The following ITPKA variants were observed in gnomAD, a reference collection of about 807,000 sequenced individuals.
The protein encoded by ITPKA is IP3 3-kinase A.
A neutral mutation model predicts 40.7 loss-of-function variants in ITPKA; 16 were observed. The observed-to-expected ratio is 0.39, with a 90% CI of 0.27 to 0.60. ITPKA has a LOEUF of 0.60. Among genes scored for constraint, ITPKA ranks in the 20% least tolerant of loss-of-function variants. The probability of loss-of-function intolerance (pLI) is 0.50; values close to 1 mark genes in which losing one functional copy is unlikely to be tolerated. For missense variants in ITPKA, 540 were observed against 649.3 expected (o/e 0.83, Z 1.83); for synonymous variants, 313 against 289.9 (o/e 1.08, Z -0.81).
chr15:41,497,845 T>C (rs1457383582), intron 1 of ITPKA, among the ~76,000 whole-genome samples: 1 of 151,198 alleles, frequency 6.6e-6, no homozygotes, highest in Non-Finnish European at 1.5e-5. Context: ...CATAGCAAAA[T>C]CCTGTCTCTA....
intron 1 of ITPKA, among the ~76,000 whole-genome samples, chr15:41,497,264 C>T (rs2140672877): frequency 6.6e-6 from 1 of 152,264 alleles, no homozygotes; most frequent in East Asian, 1.9e-4. Flanking sequence ...TGTTAGTCTC[C>T]CAGAGAGGGC....
intron 1 of ITPKA, among the ~76,000 whole-genome samples, chr15:41,499,890 A>G (rs1042891985): frequency 6.6e-6 from 1 of 152,122 alleles, no homozygotes; most frequent in African/African-American, 2.4e-5. Context: ...AAAACAAAAA[A>G]CAAAAAACAA....
In ITPKA at chr15:41,494,344, C is replaced by T. The variant is rs1398021036; in HGVS notation, c.417C>T (p.Asp139=). 6.6e-7 allele frequency: 1 copy of T among 1,525,114 alleles called. No individual in the cohort carries two copies. Among genetic ancestry groups the T allele is most frequent in the Admixed American group, 2.0e-5 (1 of 49,750 alleles). 94.5% of individuals were successfully genotyped at this position (1,525,114 alleles called of 1,614,324 possible). The change falls in exon 1 of 7, where the codon GAC becomes GAT. Residue 139 remains aspartate, a synonymous_variant. Transcript: ENST00000260386. The surrounding 1 kb of genome is among the most constrained non-coding windows in gnomAD (Gnocchi z 7.8). The part of the protein sequence containing the change: ...GSSSLLEDSE[D]DLLSDSESRS... ...CGTCGCTGCTCGAGGACTCGGAGGA[C>T]GACCTGCTGAGCGACAGTGAGAGCC... is the stretch of plus-strand genomic sequence containing the variant.
At position 41,494,013 on chromosome 15, in the gene ITPKA, G is replaced by T; in HGVS notation, c.86G>T (p.Arg29Leu). 1 of 1,179,998 alleles carries T rather than the reference G, an allele frequency of 8.5e-7. No homozygotes were observed. Among genetic ancestry groups the T allele is most frequent in the Non-Finnish European group, 1.0e-6 (1 of 955,122 alleles). The allele number at this position is 1,179,998 out of a possible 1,614,324, so 73.1% of individuals were successfully genotyped here. Reference protein sequence around the residue: ...CSPGLERAPRRSVGELRLLFE... With the variant: ...CSPGLERAPRLSVGELRLLFE... ...CCGGGGCTGGAGCGGGCCCCGCGCC[G>T]GAGTGTCGGGGAGCTGCGCCTGCTC... is the stretch of plus-strand genomic sequence containing the variant. The change falls in exon 1 of 7, where the codon CGG becomes CTG. Residue 29 changes from arginine to leucine, a missense_variant. Physicochemically the swap from Arg to Leu is moderately radical, Grantham distance 102 (BLOSUM62 -2). Transcript: ENST00000260386. The surrounding 1 kb of genome is among the most constrained non-coding windows in gnomAD (Gnocchi z 7.8).
chr15:41,498,438 T>G (rs2051089011), intron 1 of ITPKA, among the ~76,000 whole-genome samples: 1 of 152,170 alleles, frequency 6.6e-6, no homozygotes, highest in African/African-American at 2.4e-5. Context: ...ATTTTACCCC[T>G]GCTTGGGAGC....
chr15:41,496,151 C>A (rs1007423856), intron 1 of ITPKA, among the ~76,000 whole-genome samples: 1 of 152,226 alleles, frequency 6.6e-6, no homozygotes, highest in Non-Finnish European at 1.5e-5. Flanking sequence ...TGCCTGAGTC[C>A]GTGTGGAAGG....
intron 2 of ITPKA, 23 bp from the exon 3 acceptor site, chr15:41,501,612 C>T (rs755976294): frequency 6.3e-7 from 1 of 1,590,264 alleles, no homozygotes; most frequent in East Asian, 2.3e-5. Context: ...GGCTGGGCGG[C>T]GCTGACGGAT....
intron 1 of ITPKA, among the ~76,000 whole-genome samples, chr15:41,499,646 CTT>C (rs2051096611): frequency 6.6e-6 from 1 of 152,218 alleles, no homozygotes; most frequent in Non-Finnish European, 1.5e-5. Context: ...AGAACTCCCT[CTT>C]GTCAGGGAGG....
At position 41,501,982 on chromosome 15, in the gene ITPKA, C is replaced by T. The variant is rs2140678173; in HGVS notation, c.804-15C>T. ...GCGCCCCCTCATGCCCTGGCCGCTGCCTGCGCCCCCACAGGACTTACCTAG... is the reference window on the plus strand; with the variant it reads ...GCGCCCCCTCATGCCCTGGCCGCTGTCTGCGCCCCCACAGGACTTACCTAG... On this transcript the variant is annotated splice_polypyrimidine_tract_variant and intron_variant, in intron 3 of 6. Coordinates refer to ENST00000260386, the MANE Select transcript of ITPKA (RefSeq NM_002220.3). 1 of 1,609,732 alleles carries T rather than the reference C, an allele frequency of 6.2e-7. No individual in the cohort carries two copies. The highest frequency in any genetic ancestry group is 1.3e-5 in the African/African-American group (1 of 74,958).
At position 41,494,144 on chromosome 15, in the gene ITPKA, G is replaced by C. The variant is rs1245174788; in HGVS notation, c.217G>C (p.Ala73Pro). 1 of 1,460,504 alleles carries C rather than the reference G, an allele frequency of 6.8e-7. No homozygotes were observed. Among genetic ancestry groups the C allele is most frequent in the Non-Finnish European group, 9.0e-7 (1 of 1,108,314 alleles). 90.5% of individuals were successfully genotyped at this position (1,460,504 alleles called of 1,614,324 possible). A position where few individuals can be genotyped will look rare whatever the true frequency, so the allele number is the denominator to read the frequency against. Residue 73 changes from alanine to proline, a missense_variant, in exon 1 of 7, where the codon GCT becomes CCT. Transcript: ENST00000260386. The surrounding 1 kb of genome is among the most constrained non-coding windows in gnomAD (Gnocchi z 7.8). ...GGQVPNGLPR[A>P]PPAPVIPQLT... ...ACAGGTCCCCAACGGGCTTCCGCGG[G>C]CTCCCCCGGCCCCGGTGATCCCTCA...
chr15:41,496,784 G>A (rs550170875), intron 1 of ITPKA, among the ~76,000 whole-genome samples: 1 of 152,322 alleles, frequency 6.6e-6, no homozygotes, highest in South Asian at 2.1e-4. Context: ...ATGCCCATGG[G>A]AAGGTGAAGT....
At position 41,494,581 on chromosome 15, in the gene ITPKA, C is replaced by G. The variant is rs1445827938; in HGVS notation, c.489+165C>G. Among the ~76,000 whole-genome samples, 1 of 152,188 alleles carries G rather than the reference C, an allele frequency of 6.6e-6. No homozygotes were observed. The highest frequency in any genetic ancestry group is 2.4e-5 in the African/African-American group (1 of 41,458). ...GGTCAGAGGGAGGCGCCTGGCCGACCTCTCGCCTGGGCAACTTTCACCTCG... is the reference window on the plus strand; with the variant it reads ...GGTCAGAGGGAGGCGCCTGGCCGACGTCTCGCCTGGGCAACTTTCACCTCG... On this transcript the variant is annotated intron_variant, in intron 1 of 6. Coordinates refer to ENST00000260386, the MANE Select transcript of ITPKA (RefSeq NM_002220.3). This position sits in a 1 kb window ranked among gnomAD's most constrained non-coding sequence, Gnocchi z 7.8.
At position 41,503,376 on chromosome 15, in the gene ITPKA, C is replaced by CTAACT. The variant is rs2051139083; in HGVS notation, c.*213_*217dup. The stretch of plus-strand genomic sequence containing the variant: ...CCAGCGTTCCCAGAGCCAAATGACA[C>CTAACT]TAACTTATAGAAGGGGAGGGGGCAA... On this transcript the variant is annotated 3_prime_UTR_variant, in exon 7 of 7. Transcript: ENST00000260386. The CTAACT allele has an allele frequency of 1.7e-6, 1 of 598,078 alleles. No individual in the cohort carries two copies. Among genetic ancestry groups the CTAACT allele is most frequent in the African/African-American group, 1.9e-5 (1 of 53,796 alleles). The allele number at this position is 598,078 out of a possible 1,614,324, so 37.0% of individuals were successfully genotyped here.
chr15:41,498,264 C>A (rs2051087672), intron 1 of ITPKA, among the ~76,000 whole-genome samples: 1 of 150,582 alleles, frequency 6.6e-6, no homozygotes, highest in Non-Finnish European at 1.5e-5. Context: ...TGTGATCGCA[C>A]CACTGGACTC....
chr15:41,494,285 C>T lies in ITPKA; in HGVS notation c.358C>T (p.Leu120Phe), dbSNP rs948390791. Residue 120 changes from leucine (L) to phenylalanine (F), a missense_variant, in exon 1 of 7, where the codon CTT (leucine) becomes TTT (phenylalanine). Transcript: ENST00000260386. The surrounding 1 kb of genome is among the most constrained non-coding windows in gnomAD (Gnocchi z 7.8). ...TTCGCACCTGCAGCAGCCGCGCCGC[C>T]TTTCCACCTCGTCGGTCTCCTCCAC... The part of the protein sequence containing the change: ...GSSHLQQPRR[L>F]STSSVSSTGS... 5 of 1,548,552 alleles carry T rather than the reference C, an allele frequency of 3.2e-6. No homozygotes were observed. The highest frequency in any genetic ancestry group is 4.3e-6 in the Non-Finnish European group (5 of 1,154,874).
Position 41,503,198 on chromosome 15 carries a change from C to T in ITPKA, c.*32C>T. The T allele has an allele frequency of 6.7e-7, 1 of 1,487,416 alleles. No individual in the cohort carries two copies. Among genetic ancestry groups the T allele is most frequent in the Non-Finnish European group, 9.2e-7 (1 of 1,090,654 alleles). 92.1% of individuals were successfully genotyped at this position (1,487,416 alleles called of 1,614,324 possible). On this transcript the variant is annotated 3_prime_UTR_variant, in exon 7 of 7. Coordinates refer to ENST00000260386, the MANE Select transcript of ITPKA (RefSeq NM_002220.3). ...ACTCCTGTCCCCGCGGGCCGCTCAC[C>T]TGACATGTGGACCTGCAGCTTTGTC... is the stretch of plus-strand genomic sequence containing the variant.
At position 41,503,075 on chromosome 15, in the gene ITPKA, G is replaced by A. The variant is rs2051133777; in HGVS notation, c.1295G>A (p.Arg432Gln). ...PLPDGQILDH[R>Q]RPWEEGNRED... is the part of the protein sequence containing the mutation. Reference sequence around the variant, plus strand: ...CCCGATGGCCAGATCCTGGACCACCGGCGGCCCTGGGAGGAGGGCAACCGC... The same window carrying A: ...CCCGATGGCCAGATCCTGGACCACCAGCGGCCCTGGGAGGAGGGCAACCGC... Residue 432 changes from arginine to glutamine, a missense_variant, in exon 7 of 7, where the codon CGG (arginine) becomes CAG (glutamine). Coordinates refer to ENST00000260386, the MANE Select transcript of ITPKA (RefSeq NM_002220.3). 7 of 1,608,702 alleles carry A rather than the reference G, an allele frequency of 4.4e-6. No individual in the cohort carries two copies. Among genetic ancestry groups the A allele is most frequent in the South Asian group, 1.1e-5 (1 of 90,946 alleles).
intron 1 of ITPKA, chr15:41,501,175 G>A: frequency 4.2e-6 from 1 of 236,978 alleles, no homozygotes; most frequent in Non-Finnish European, 6.9e-6. Flanking sequence ...ACCTGCCCAC[G>A]CGTTCTTCAG....
intron 4 of ITPKA, 57 bp from the exon 5 acceptor site, chr15:41,502,345 C>G (rs1387032188): frequency 1.4e-6 from 2 of 1,420,514 alleles, no homozygotes; most frequent in East Asian, 4.6e-5. Context: ...CTGCTCTACG[C>G]TGTCCTCTTC....
Sources: gnomAD v4.1 joint callset for allele counts (sites outside exome capture counted in the v4.1 genomes callset) on GRCh38, gnomAD v4.1.1 for gene constraint, Gnocchi (gnomAD v3.1) non-coding constraint, MANE v1.5 for transcripts, NCBI Gene and HGNC (gene_info 2026-07-23, HGNC 2026-07-21) for gene names.